Variants in LRIG1 observed in about 807,000 individuals in gnomAD.
LRIG1 encodes leucine rich repeats and immunoglobulin like domains 1, also known as leucine-rich repeats and immunoglobulin-like domains protein 1.
Under a neutral mutation model 99.2 loss-of-function variants are expected in LRIG1, and 48 were observed. That is an observed-to-expected ratio of 0.48 (90% confidence interval 0.38 to 0.62). The LOEUF is 0.62. LRIG1 is among the 20% of genes least tolerant of loss of function. The pLI, the probability that LRIG1 is intolerant of heterozygous loss-of-function variation, is 0.00. For synonymous variants in LRIG1, 772 were observed against 596.1 expected (o/e 1.29, Z -4.30); for missense variants, 1,646 against 1,434.4 (o/e 1.15, Z -2.38).
chr3:66,483,679 C>T (rs1475295183), intron 1 of LRIG1, among the ~76,000 whole-genome samples: 1 of 152,250 alleles, frequency 6.6e-6, no homozygotes, highest in Admixed American at 6.5e-5. Context: ...GGTGTCTAGA[C>T]AGCCTCGGTC....
rs148282272 is a variant in LRIG1 at position 66,456,354 on chromosome 3, G to A, written c.291-4721C>T. The stretch of plus-strand genomic sequence containing the variant: ...TCCAGCCCTTTGGGAGGCCAAGGCA[G>A]GAGGATCATTTAAGCCCAGTAGTTC... On this transcript the variant is annotated intron_variant, in intron 2 of 18. Coordinates refer to ENST00000273261, the MANE Select transcript of LRIG1 (RefSeq NM_015541.3). 5.2e-3 allele frequency among the ~76,000 whole-genome samples: 793 copies of A among 152,282 alleles called. 21 individuals carry two copies. Among genetic ancestry groups the A allele is most frequent in the Non-Finnish European group, 2.0e-3 (135 of 68,024 alleles).
chr3:66,416,442 G>T (rs1680706513), intron 4 of LRIG1, among the ~76,000 whole-genome samples: 1 of 152,146 alleles, frequency 6.6e-6, no homozygotes, highest in Admixed American at 6.5e-5. Context: ...AACTCACCTG[G>T]AATTGGAAAA....
chr3:66,447,024 C>T (rs1046531000), intron 3 of LRIG1, among the ~76,000 whole-genome samples: 1 of 152,008 alleles, frequency 6.6e-6, no homozygotes, highest in Admixed American at 6.6e-5. Flanking sequence ...TGAGAACGTA[C>T]TACAAGTGGC....
At chr3:66,449,696 C>T (rs1703838637) in intron 3 of LRIG1, among the ~76,000 whole-genome samples, 2 of 152,170 alleles carry the variant, frequency 1.3e-5, no homozygotes, top group South Asian at 4.1e-4. Flanking sequence ...GATGCAAAGG[C>T]GTTTGTGTCT....
At chr3:66,405,320 G>C (rs372931246) in intron 8 of LRIG1, 42 bp from the exon 9 acceptor site, 6 of 1,519,862 alleles carry the variant, frequency 3.9e-6, no homozygotes, top group Non-Finnish European at 5.5e-6. Flanking sequence ...CAGTCGGGGC[G>C]TGAAGGGAAA....
chr3:66,445,511 G>A (rs1703687758), intron 3 of LRIG1, among the ~76,000 whole-genome samples: 1 of 151,944 alleles, frequency 6.6e-6, no homozygotes, highest in African/African-American at 2.4e-5. Context: ...TGGTCTTGGG[G>A]AGAATCTCTA....
chr3:66,448,465 G>A (rs956307109), intron 3 of LRIG1, among the ~76,000 whole-genome samples: 2 of 152,254 alleles, frequency 1.3e-5, no homozygotes, highest in Non-Finnish European at 2.9e-5. Flanking sequence ...TTATTGGTCA[G>A]AGGGTAACTA....
At chr3:66,483,802 G>A (rs547545960) in intron 1 of LRIG1, among the ~76,000 whole-genome samples, 60 of 151,270 alleles carry the variant, frequency 4.0e-4, no homozygotes, top group African/African-American at 1.4e-3. Flanking sequence ...GAAGGGCACC[G>A]CGGGCTCCCT....
rs769456604 is a variant in LRIG1, at chr3:66,398,981, G to A, written c.1221C>T (p.Gly407=). 8.7e-6 allele frequency: 14 copies of A among 1,614,012 alleles called. No homozygotes were observed. Among genetic ancestry groups the A allele is most frequent in the South Asian group, 3.3e-5 (3 of 91,076 alleles). ...GGTGAGATACTCACAGGTGCTCCAGGCCTTCCAGCCCCGAGAATGCTCTCT... is the reference window on the plus strand; with the variant it reads ...GGTGAGATACTCACAGGTGCTCCAGACCTTCCAGCCCCGAGAATGCTCTCT... The part of the protein sequence containing the change: ...VAKRAFSGLE[G]LEHLNLGGNA... The change falls in exon 10 of 19, where the codon GGC becomes GGT. Residue 407 remains glycine, a synonymous_variant. Coordinates refer to ENST00000273261, the MANE Select transcript of LRIG1 (RefSeq NM_015541.3).
chr3:66,495,632 C>T (rs1295309923), intron 1 of LRIG1, among the ~76,000 whole-genome samples: 1 of 152,210 alleles, frequency 6.6e-6, no homozygotes, highest in Non-Finnish European at 1.5e-5. Context: ...TTCAATGAAT[C>T]CCTCTTCTAG....
At chr3:66,445,489 T>C (rs896310864) in intron 3 of LRIG1, among the ~76,000 whole-genome samples, 1 of 152,112 alleles carries the variant, frequency 6.6e-6, no homozygotes, top group Admixed American at 6.6e-5. Flanking sequence ...GAAGGAAGGA[T>C]GGGGCAACCC....
intron 7 of LRIG1, among the ~76,000 whole-genome samples, chr3:66,408,930 G>GTC (rs1315997947): frequency 8.6e-6 from 1 of 116,112 alleles, no homozygotes; most frequent in Non-Finnish European, 1.9e-5. Flanking sequence ...GTGTGTGTGT[G>GTC]TGTGTGTGTG....
At chr3:66,410,559 G>C (rs1052148410) in intron 6 of LRIG1, among the ~76,000 whole-genome samples, 2 of 152,228 alleles carry the variant, frequency 1.3e-5, no homozygotes, top group African/African-American at 4.8e-5. Flanking sequence ...AAGTGAACCA[G>C]GGCTGGGTGT....
intron 1 of LRIG1, among the ~76,000 whole-genome samples, chr3:66,489,293 G>A (rs551248508): frequency 6.7e-4 from 102 of 152,310 alleles, no homozygotes; most frequent in African/African-American, 2.4e-3. Flanking sequence ...GGAGGCCAAG[G>A]CAGGAGGATC....
At chr3:66,488,474 C>A (rs9310131) in intron 1 of LRIG1, among the ~76,000 whole-genome samples, 89,378 of 132,240 alleles carry the variant, frequency 0.68, 30,035 homozygotes, top group South Asian at 0.9. Context: ...TAAAAAAAAA[C>A]AAAAAAAAAA....
intron 3 of LRIG1, among the ~76,000 whole-genome samples, chr3:66,443,857 T>C (rs1169208456): frequency 1.3e-5 from 2 of 152,194 alleles, no homozygotes; most frequent in Non-Finnish European, 2.9e-5. Context: ...TTGCCCACTG[T>C]TGACCTGACC....
rs140212968 is a variant in LRIG1 at position 66,485,974 on chromosome 3, T to C, written c.218+14216A>G. On this transcript the variant is annotated intron_variant, in intron 1 of 18. Transcript: ENST00000273261. ...GGCCAGAAAGAAGGCAGTGCTAGTC[T>C]TACCGTATTTTCTTCTAAACATGTA... Among the ~76,000 whole-genome samples the C allele has an allele frequency of 2.0e-3, 304 of 152,300 alleles. 1 individual carries two copies. The highest frequency in any genetic ancestry group is 6.7e-3 in the African/African-American group (280 of 41,554).
At chr3:66,387,981 C>G (rs1701459919) in intron 12 of LRIG1, 1 of 150,322 alleles carries the variant, frequency 6.7e-6, no homozygotes, top group Non-Finnish European at 1.5e-5. Context: ...GTGGCAGGTG[C>G]CTGTAGTCCC....
intron 1 of LRIG1, among the ~76,000 whole-genome samples, chr3:66,473,937 A>G (rs776045735): frequency 1.3e-5 from 2 of 152,214 alleles, no homozygotes; most frequent in African/African-American, 2.4e-5. Context: ...TTCTTTCTGC[A>G]GTACTAAGAC....
Sources: gnomAD v4.1 joint callset for allele counts (sites outside exome capture counted in the v4.1 genomes callset) on GRCh38, gnomAD v4.1.1 for gene constraint, MANE v1.5 for transcripts, NCBI Gene and HGNC (gene_info 2026-07-23, HGNC 2026-07-21) for gene names.